Variants in EML6 observed in about 807,000 individuals in gnomAD.
The protein encoded by EML6 is echinoderm microtubule-associated protein-like 6.
In EML6, 154 loss-of-function variants were observed where a neutral mutation model predicts 240.1. That is an observed-to-expected ratio of 0.64 (90% CI 0.56 to 0.73). EML6 has a LOEUF of 0.73. Ranked by LOEUF, EML6 falls within the 30% of genes least tolerant of loss-of-function variation. The probability of loss-of-function intolerance (pLI) is 0.00; values close to 1 mark genes in which losing one functional copy is unlikely to be tolerated. For synonymous variants in EML6, 1,148 were observed against 899.0 expected, an observed-to-expected ratio of 1.28 and a Z score of -4.95; for missense variants, 2,964 against 2,474.6, an observed-to-expected ratio of 1.20 and a Z score of -4.20.
At chr2:54,821,324 A>G (rs1241222323) in intron 5 of EML6, among the ~76,000 whole-genome samples, 4 of 152,194 alleles carry the variant, frequency 2.6e-5, no homozygotes, top group Non-Finnish European at 4.4e-5. Flanking sequence ...AAAATACTCA[A>G]ATAAGTATAA....
At chr2:54,828,339 C>T (rs1449305843) in intron 6 of EML6, among the ~76,000 whole-genome samples, 1 of 152,166 alleles carries the variant, frequency 6.6e-6, no homozygotes, top group Admixed American at 6.5e-5. Context: ...AAACTTCTTA[C>T]CACTCTGCTC....
intron 2 of EML6, among the ~76,000 whole-genome samples, chr2:54,764,640 A>G (rs193144165): frequency 9.3e-4 from 142 of 152,358 alleles, no homozygotes; most frequent in Non-Finnish European, 1.7e-3. Flanking sequence ...GCCTTCATCA[A>G]TAAATACAAG....
intron 16 of EML6, among the ~76,000 whole-genome samples, chr2:54,872,110 G>GA (rs1671287477): frequency 6.6e-6 from 1 of 152,006 alleles, no homozygotes; most frequent in South Asian, 2.1e-4. Flanking sequence ...CTTTTATATC[G>GA]AAAAAATAGA....
intron 6 of EML6, 127 bp from the exon 7 acceptor site, chr2:54,829,215 C>A: frequency 1.3e-6 from 1 of 783,536 alleles, no homozygotes; most frequent in Non-Finnish European, 1.9e-6. Flanking sequence ...GTCAGCATTT[C>A]AATAGAGAAC....
At chr2:54,896,006 G>A (rs1672743197) in intron 21 of EML6, among the ~76,000 whole-genome samples, 1 of 152,136 alleles carries the variant, frequency 6.6e-6, no homozygotes, top group Non-Finnish European at 1.5e-5. Context: ...CAAGTCACAG[G>A]TCATACCACA....
chr2:54,862,688 T>C (rs900630034), intron 12 of EML6, among the ~76,000 whole-genome samples: 1 of 152,066 alleles, frequency 6.6e-6, no homozygotes, highest in African/African-American at 2.4e-5. Flanking sequence ...ACGAGTAAGA[T>C]GAATCCAAAA....
rs981930361 is a variant in EML6, at chr2:54,850,287, A to T, written c.1444+69A>T. 9.4e-6 allele frequency: 13 copies of T among 1,381,312 alleles called. 1 individual carries two copies. The South Asian group carries it at 1.8e-4, about 19-fold the overall frequency. The allele number at this position is 1,381,312 out of a possible 1,614,324, so 85.6% of individuals were successfully genotyped here. A position where few individuals can be genotyped will look rare whatever the true frequency, so the allele number is the denominator to read the frequency against. ...TTGAACCAGGTGAAGGAAATACAGG[A>T]CAAGTGTCATGGCTCTTTTAGAATT... is the stretch of plus-strand genomic sequence containing the variant. On this transcript the variant is annotated intron_variant, in intron 10 of 41. Coordinates refer to ENST00000356458, the MANE Select transcript of EML6 (RefSeq NM_001039753.4).
chr2:54,832,090 A>G (rs756111805), intron 7 of EML6, among the ~76,000 whole-genome samples: 4 of 152,200 alleles, frequency 2.6e-5, no homozygotes, highest in Non-Finnish European at 5.9e-5. Flanking sequence ...GCCACTGTGT[A>G]TCATCAAGCA....
intron 10 of EML6, among the ~76,000 whole-genome samples, chr2:54,853,322 T>G (rs1670192081): frequency 6.6e-6 from 1 of 152,184 alleles, no homozygotes; most frequent in African/African-American, 2.4e-5. Flanking sequence ...ATGATAATTT[T>G]CTTAAGTTTT....
intron 26 of EML6, among the ~76,000 whole-genome samples, chr2:54,924,883 G>A (rs1674462386): frequency 6.6e-6 from 1 of 151,932 alleles, no homozygotes. Flanking sequence ...TTTTCAACCT[G>A]ATTTTTCTGG....
In EML6 at chr2:54,892,482, T is replaced by A; in HGVS notation, c.2568T>A (p.Thr856=). The change falls in exon 19 of 42, where the codon ACT becomes ACA. Residue 856 remains threonine, a synonymous_variant. Transcript: ENST00000356458. ...GGGGCTTCACTTCTAAAAGAGGAAC[T>A]TTTGGAAGCGTTGGAAAATTGGAAA... is the stretch of plus-strand genomic sequence containing the variant. The part of the protein sequence containing the change: ...AGGGFTSKRG[T]FGSVGKLETM... The A allele has an allele frequency of 6.4e-7, 1 of 1,551,386 alleles. No individual in the cohort carries two copies.
At chr2:54,949,094 C>T in intron 29 of EML6, 134 bp downstream of exon 29, 1 of 689,728 alleles carries the variant, frequency 1.4e-6, no homozygotes, top group Non-Finnish European at 2.6e-6. Context: ...TGTCCCCTCT[C>T]CCTCCTACGT....
At chr2:54,795,186 G>T (rs1669693971) in intron 2 of EML6, among the ~76,000 whole-genome samples, 1 of 152,152 alleles carries the variant, frequency 6.6e-6, no homozygotes, top group Admixed American at 6.5e-5. Context: ...AATTTTTAAA[G>T]AAAATAGGTT....
intron 16 of EML6, among the ~76,000 whole-genome samples, chr2:54,875,508 T>A (rs537181670): frequency 3.3e-5 from 5 of 152,322 alleles, no homozygotes; most frequent in Admixed American, 1.3e-4. Context: ...TGCTTGTCTC[T>A]TACTAGAGAA....
chr2:54,849,862 T>C, intron 9 of EML6, 100 bp from the exon 10 acceptor site: 1 of 918,704 alleles, frequency 1.1e-6, no homozygotes, highest in Non-Finnish European at 1.6e-6. Context: ...GCAGGTTTGG[T>C]TCTCTTTCAA....
intron 28 of EML6, among the ~76,000 whole-genome samples, chr2:54,942,884 C>G (rs1365340970): frequency 6.6e-6 from 1 of 152,176 alleles, no homozygotes; most frequent in Non-Finnish European, 1.5e-5. Flanking sequence ...AGTTCATCAG[C>G]CCTTCCTGGC....
chr2:54,769,910 C>T (rs1429850242), intron 2 of EML6, among the ~76,000 whole-genome samples: 2 of 152,144 alleles, frequency 1.3e-5, no homozygotes, highest in Non-Finnish European at 2.9e-5. Context: ...CTCTCGGACT[C>T]TGGAAAGCCA....
chr2:54,847,746 T>G, intron 9 of EML6, 123 bp downstream of exon 9: 1 of 955,574 alleles, frequency 1.0e-6, no homozygotes, highest in Non-Finnish European at 1.5e-6. Context: ...ATAGGAATAC[T>G]ATAGATCTAC....
At chr2:54,862,818 C>T (rs1349473472) in intron 12 of EML6, among the ~76,000 whole-genome samples, 1 of 152,124 alleles carries the variant, frequency 6.6e-6, no homozygotes, top group Non-Finnish European at 1.5e-5. Flanking sequence ...AGCAGATTTC[C>T]CAAATGCAAG....
Sources: gnomAD v4.1 joint callset for allele counts (sites outside exome capture counted in the v4.1 genomes callset) on GRCh38, gnomAD v4.1.1 for gene constraint, MANE v1.5 for transcripts, NCBI Gene and HGNC (gene_info 2026-07-23, HGNC 2026-07-21) for gene names.